The following GOLGA1 variants were observed in gnomAD, a reference collection of about 807,000 sequenced individuals.
The protein encoded by GOLGA1 is golgin subfamily A member 1.
GOLGA1 carries 63 observed loss-of-function variants against 119.7 expected under a neutral mutation model. The ratio of observed to expected loss-of-function variants is 0.53; its 90% confidence interval spans 0.43 to 0.65. GOLGA1 has a LOEUF of 0.65. Ranked by LOEUF, GOLGA1 falls within the 30% of genes least tolerant of loss-of-function variation. The pLI is 0.00. For synonymous variants in GOLGA1, 318 were observed against 333.4 expected (o/e 0.95, Z 0.50); for missense variants, 798 against 912.8 (o/e 0.87, Z 1.62).
chr9:124,878,759 T>C lies in GOLGA1; in HGVS notation c.*1771A>G, dbSNP rs2781055. The C allele has an allele frequency of 0.98, 149,788 of 152,370 alleles. 73,673 individuals are homozygous for C. Among genetic ancestry groups the C allele is most frequent in the East Asian group, 1 (5,178 of 5,178 alleles). 9.4% of individuals were successfully genotyped at this position (152,370 alleles called of 1,614,324 possible). A position where few individuals can be genotyped will look rare whatever the true frequency, so the allele number is the denominator to read the frequency against. On this transcript the variant is annotated 3_prime_UTR_variant, in exon 23 of 23. Coordinates refer to ENST00000373555, the MANE Select transcript of GOLGA1 (RefSeq NM_002077.4). ...CTGGAGAAGCCACGGAGGCAGCGGATGGGCTTCTGTGGAAATGTAGCTGCC... is the reference window on the plus strand; with the variant it reads ...CTGGAGAAGCCACGGAGGCAGCGGACGGGCTTCTGTGGAAATGTAGCTGCC...
At chr9:124,908,810 G>A (rs569611090) in intron 11 of GOLGA1, among the ~76,000 whole-genome samples, 1 of 152,338 alleles carries the variant, frequency 6.6e-6, no homozygotes, top group African/African-American at 2.4e-5. Context: ...TAGGGTTCAG[G>A]GAGCCTCCCA....
upstream of GOLGA1, among the ~76,000 whole-genome samples, chr9:124,941,908 C>T (rs565190716): frequency 2.0e-5 from 3 of 152,048 alleles, no homozygotes; most frequent in Admixed American, 6.6e-5. Flanking sequence ...TGGCGAGACT[C>T]CGTCTCTTTA....
At chr9:124,924,442 C>T (rs1830633528) in intron 7 of GOLGA1, among the ~76,000 whole-genome samples, 1 of 151,498 alleles carries the variant, frequency 6.6e-6, no homozygotes, top group South Asian at 2.1e-4. Flanking sequence ...CCAGCCTGCG[C>T]AACATGGTGA....
intron 6 of GOLGA1, among the ~76,000 whole-genome samples, chr9:124,927,550 A>C (rs1830698038): frequency 6.6e-6 from 1 of 152,244 alleles, no homozygotes; most frequent in South Asian, 2.1e-4. Flanking sequence ...ACTCTGTCTT[A>C]ATAAATCAAA....
chr9:124,941,784 G>A (rs573567158), upstream of GOLGA1, among the ~76,000 whole-genome samples: 2 of 152,286 alleles, frequency 1.3e-5, no homozygotes, highest in African/African-American at 4.8e-5. Flanking sequence ...TGCTTAGGAA[G>A]GAAGTTGAAA....
chr9:124,935,614 G>A (rs1025739107), intron 3 of GOLGA1, among the ~76,000 whole-genome samples: 1 of 151,910 alleles, frequency 6.6e-6, no homozygotes, highest in African/African-American at 2.4e-5. Context: ...CTGGGCACAC[G>A]GTGAAACCTC....
chr9:124,909,525 T>C (rs995758813), intron 11 of GOLGA1, among the ~76,000 whole-genome samples: 1 of 150,100 alleles, frequency 6.7e-6, no homozygotes, highest in South Asian at 2.1e-4. Flanking sequence ...GGAAAATCAC[T>C]TGAACCCCGG....
chr9:124,945,708 C>CA (rs1358909698), upstream of GOLGA1: 2 of 152,234 alleles, frequency 1.3e-5, no homozygotes, highest in African/African-American at 4.8e-5. Context: ...ATCATCCTGA[C>CA]ACCCTTCCCG....
intron 10 of GOLGA1, among the ~76,000 whole-genome samples, chr9:124,916,673 A>G (rs1042279444): frequency 5.3e-5 from 8 of 152,012 alleles, no homozygotes; most frequent in African/African-American, 1.7e-4. Context: ...CTGGAATTCA[A>G]AACTAGCCTG....
intron 10 of GOLGA1, among the ~76,000 whole-genome samples, chr9:124,918,883 C>A (rs955702115): frequency 1.3e-5 from 2 of 152,176 alleles, no homozygotes; most frequent in African/African-American, 4.8e-5. Flanking sequence ...CCTTGACATT[C>A]CAGTTCCTCT....
chr9:124,886,848 G>A (rs1429320933), intron 19 of GOLGA1, among the ~76,000 whole-genome samples: 1 of 151,936 alleles, frequency 6.6e-6, no homozygotes, highest in Non-Finnish European at 1.5e-5. Context: ...AGAGAAGGTA[G>A]ACATGAAGTT....
At chr9:124,936,027 G>A (rs1240331358) in intron 3 of GOLGA1, among the ~76,000 whole-genome samples, 1 of 152,102 alleles carries the variant, frequency 6.6e-6, no homozygotes, top group Admixed American at 6.6e-5. Context: ...TGAGGATCAG[G>A]CTGTATTAAG....
intron 2 of GOLGA1, among the ~76,000 whole-genome samples, chr9:124,939,101 G>C (rs1830941674): frequency 6.6e-6 from 1 of 151,960 alleles, no homozygotes; most frequent in South Asian, 2.1e-4. Flanking sequence ...AAGTGGAAGG[G>C]CTGGTATTTG....
chr9:124,900,313 T>TCA (rs1830075606), intron 13 of GOLGA1, 139 bp downstream of exon 13: 2 of 563,982 alleles, frequency 3.5e-6, no homozygotes, highest in Non-Finnish European at 6.5e-6. Flanking sequence ...GCTGGCCTGC[T>TCA]CACATCCAGC....
chr9:124,941,464 C>T (rs1379838654), upstream of GOLGA1, among the ~76,000 whole-genome samples: 1 of 151,984 alleles, frequency 6.6e-6, no homozygotes, highest in African/African-American at 2.4e-5. Context: ...TGGCCAGGCG[C>T]CCCCCCGCGC....
intron 7 of GOLGA1, among the ~76,000 whole-genome samples, chr9:124,925,149 C>G (rs992219668): frequency 6.6e-6 from 1 of 151,818 alleles, no homozygotes; most frequent in Non-Finnish European, 1.5e-5. Flanking sequence ...AGAGAAAATT[C>G]CCTTTGTGAA....
intron 7 of GOLGA1, among the ~76,000 whole-genome samples, chr9:124,925,877 T>C (rs1444557288): frequency 1.3e-5 from 2 of 152,310 alleles, no homozygotes; most frequent in East Asian, 3.9e-4. Flanking sequence ...CTCGTTTATA[T>C]GTGGGAGCCA....
chr9:124,930,167 C>T lies in GOLGA1; in HGVS notation c.227-877G>A, dbSNP rs115453765. On this transcript the variant is annotated intron_variant, in intron 4 of 22. Coordinates refer to ENST00000373555, the MANE Select transcript of GOLGA1 (RefSeq NM_002077.4). ...ATAGTGGGCCCAGTAAATGTCAGTGCTCTTCCCTGTCCCTTCTCTAACGTA... is the reference window on the plus strand; with the variant it reads ...ATAGTGGGCCCAGTAAATGTCAGTGTTCTTCCCTGTCCCTTCTCTAACGTA... Among the ~76,000 whole-genome samples the T allele has an allele frequency of 7.6e-3, 1,158 of 152,278 alleles. 12 individuals carry two copies. Among genetic ancestry groups the T allele is most frequent in the African/African-American group, 0.026 (1,098 of 41,552 alleles).
chr9:124,881,754 TA>T lies in GOLGA1; in HGVS notation c.2136+29del. On this transcript the variant is annotated intron_variant, in intron 21 of 22. Transcript: ENST00000373555. This position sits in a 1 kb window ranked among gnomAD's most constrained non-coding sequence, Gnocchi z 4.9. The stretch of plus-strand genomic sequence containing the variant: ...GACAGACTGTAGGGCGGGGCCTCAA[TA>T]CCCAAAAGACACCTCAAAAGCCCTT... 6.5e-7 allele frequency: 1 copy of T among 1,539,888 alleles called. No homozygotes were observed. Among genetic ancestry groups the T allele is most frequent in the Non-Finnish European group, 8.9e-7 (1 of 1,126,648 alleles).
Sources: gnomAD v4.1 joint callset for allele counts (sites outside exome capture counted in the v4.1 genomes callset) on GRCh38, gnomAD v4.1.1 for gene constraint, Gnocchi (gnomAD v3.1) non-coding constraint, MANE v1.5 for transcripts, NCBI Gene and HGNC (gene_info 2026-07-23, HGNC 2026-07-21) for gene names.